CABIN1: variants seen among roughly 807,000 people sequenced by gnomAD.
CABIN1 encodes the protein calcineurin-binding protein cabin-1.
Under a neutral mutation model 227.7 loss-of-function variants are expected in CABIN1, and 133 were observed. That is an observed-to-expected ratio of 0.58 (90% confidence interval 0.51 to 0.67). The LOEUF (loss-of-function observed/expected upper bound fraction) is 0.67, where lower values mean the gene tolerates loss of function less well. CABIN1 is among the 30% of genes least tolerant of loss of function. The probability of loss-of-function intolerance (pLI) is 0.00; values close to 1 mark genes in which losing one functional copy is unlikely to be tolerated. For synonymous variants in CABIN1, 1,086 were observed against 1,155.1 expected (o/e 0.94, Z 1.21); for missense variants, 2,408 against 2,852.5 (o/e 0.84, Z 3.55).
At chr22:24,014,586 T>C (rs2035098683) in intron 1 of CABIN1, among the ~76,000 whole-genome samples, 1 of 152,240 alleles carries the variant, frequency 6.6e-6, no homozygotes, top group Non-Finnish European at 1.5e-5. Flanking sequence ...CCTTTCTTCC[T>C]CATGCCTTTC....
chr22:24,097,721 G>C (rs2041977196), intron 25 of CABIN1, among the ~76,000 whole-genome samples: 1 of 152,252 alleles, frequency 6.6e-6, no homozygotes, highest in South Asian at 2.1e-4. Flanking sequence ...ATGCAAGGGT[G>C]CTTCTGAAGA....
chr22:24,167,189 C>CA lies in CABIN1; in HGVS notation c.5559dup (p.Glu1854ArgfsTer24). On this transcript the variant is annotated frameshift_variant, in exon 32 of 37. Transcript: ENST00000263119. LOFTEE classifies it high-confidence loss of function. Reference sequence around the variant, plus strand: ...CGCAAGAGGAAGCTCCTGGAGGACACAGAGTCAGGCAAGACACTTCTGTTG... The same window carrying CA: ...CGCAAGAGGAAGCTCCTGGAGGACACAAGAGTCAGGCAAGACACTTCTGTTG... The CA allele has an allele frequency of 1.2e-6, 2 of 1,611,654 alleles. No homozygotes were observed. Among genetic ancestry groups the CA allele is most frequent in the Non-Finnish European group, 1.7e-6 (2 of 1,179,688 alleles).
chr22:24,165,594 G>T lies in CABIN1; in HGVS notation c.4975G>T (p.Val1659Leu). The T allele has an allele frequency of 6.2e-7, 1 of 1,613,196 alleles. No individual in the cohort carries two copies. The highest frequency in any genetic ancestry group is 8.5e-7 in the Non-Finnish European group (1 of 1,179,980). Residue 1659 changes from valine (V) to leucine (L), a missense_variant, in exon 31 of 37, where the codon GTG becomes TTG. By Grantham distance (32) the Val-to-Leu change is conservative. Transcript: ENST00000263119. ...AQRAFILTVKVLEDTLSELAE... is the reference protein window; with the variant it reads ...AQRAFILTVKLLEDTLSELAE... Reference sequence around the variant, plus strand: ...GCGGGCCTTCATCCTCACTGTGAAGGTGCTCGAAGACACGCTGAGCGAGCT... The same window carrying T: ...GCGGGCCTTCATCCTCACTGTGAAGTTGCTCGAAGACACGCTGAGCGAGCT...
intron 29 of CABIN1, among the ~76,000 whole-genome samples, chr22:24,151,225 G>T (rs1385896128): frequency 6.6e-6 from 1 of 152,110 alleles, no homozygotes; most frequent in Non-Finnish European, 1.5e-5. Context: ...TGCACAAAGG[G>T]GGTCTATCTG....
chr22:24,056,645 A>G (rs143677509), intron 10 of CABIN1: 155 of 410,904 alleles, frequency 3.8e-4, no homozygotes, highest in African/African-American at 1.6e-3. Context: ...CAAGACATCT[A>G]TTTGTTGCTG....
At chr22:24,140,369 A>G (rs1174888526) in intron 29 of CABIN1, among the ~76,000 whole-genome samples, 2 of 152,292 alleles carry the variant, frequency 1.3e-5, no homozygotes, top group East Asian at 1.9e-4. Flanking sequence ...ACTGTTCCAC[A>G]CACCGTCCTC....
chr22:24,071,209 G>A, intron 17 of CABIN1, 167 bp downstream of exon 17: 1 of 878,574 alleles, frequency 1.1e-6, no homozygotes, highest in Non-Finnish European at 1.8e-6. Flanking sequence ...TTGTGCGCAG[G>A]CTGCAAACCT....
intron 16 of CABIN1, among the ~76,000 whole-genome samples, chr22:24,069,253 A>G (rs895429803): frequency 4.6e-5 from 7 of 152,150 alleles, no homozygotes; most frequent in African/African-American, 1.4e-4. Context: ...GTTGTTCACT[A>G]TCTTTTCCAT....
chr22:24,178,437 A>G lies in CABIN1; in HGVS notation c.*241A>G, dbSNP rs1031450514. The G allele has an allele frequency of 5.4e-6, 3 of 557,582 alleles. No homozygotes were observed. The African/African-American group carries it at 5.7e-5, about 11-fold the overall frequency. The allele number at this position is 557,582 out of a possible 1,614,324, so 34.5% of individuals were successfully genotyped here. On this transcript the variant is annotated 3_prime_UTR_variant, in exon 37 of 37. Coordinates refer to ENST00000263119, the MANE Select transcript of CABIN1 (RefSeq NM_012295.4). The stretch of plus-strand genomic sequence containing the variant: ...GCCATGTGAAGGTGGATTGGTCGCC[A>G]TCTGCACGCCAGGCGGCATCCTTTT...
In CABIN1 at chr22:24,070,885, A is replaced by G. The variant is rs1486667759; in HGVS notation, c.2318A>G (p.Asn773Ser). Residue 773 changes from asparagine to serine, a missense_variant, in exon 17 of 37, where the codon AAC becomes AGC. Around this residue, in one of 3 missense-constraint regions of CABIN1, gnomAD observed 1,045 missense variants for 1,168.4 expected, o/e 0.89. Transcript: ENST00000263119. ...ALNEAVQQMV[N>S]SGEAAAKEEW... is the part of the protein sequence containing the mutation. ...AACGAGGCTGTCCAGCAGATGGTGA[A>G]CTCAGGTGAGGCTGCCGCCAAGGAG... 6.2e-7 allele frequency: 1 copy of G among 1,614,194 alleles called. No individual in the cohort carries two copies. The highest frequency in any genetic ancestry group is 8.5e-7 in the Non-Finnish European group (1 of 1,180,032).
At chr22:24,172,089 G>A in intron 34 of CABIN1, 94 bp downstream of exon 34, 1 of 1,434,886 alleles carries the variant, frequency 7.0e-7, no homozygotes, top group Non-Finnish European at 9.4e-7. Context: ...AGGGAGGCAA[G>A]CAGTGCCCTC....
chr22:24,072,654 C>T (rs904753721), intron 18 of CABIN1, 144 bp downstream of exon 18: 10 of 1,021,412 alleles, frequency 9.8e-6, no homozygotes, highest in Non-Finnish European at 1.5e-5. Context: ...TGCGCTTGGA[C>T]AGAGGCAGAA....
chr22:24,101,806 A>G lies in CABIN1; in HGVS notation c.4117+3614A>G, dbSNP rs1199716209. On this transcript the variant is annotated intron_variant, in intron 26 of 36. Transcript: ENST00000263119. ...ATTACTCTTTATACATATTCAAGCA[A>G]CATAAGGAGATCTTTGAACAAGACC... The G allele has an allele frequency of 2.0e-5, 3 of 152,206 alleles. No individual in the cohort carries two copies. The East Asian group carries it at 5.8e-4, about 29-fold the overall frequency. The allele number at this position is 152,206 out of a possible 1,614,324, so 9.4% of individuals were successfully genotyped here.
At chr22:24,168,610 T>C in intron 33 of CABIN1, 89 bp downstream of exon 33, 1 of 1,062,568 alleles carries the variant, frequency 9.4e-7, no homozygotes, top group Non-Finnish European at 1.4e-6. Context: ...GCAGATCCAC[T>C]CTTGGGACTG....
chr22:24,070,719 C>T (rs1601906515), intron 16 of CABIN1, 81 bp from the exon 17 acceptor site: 1 of 1,601,872 alleles, frequency 6.2e-7, no homozygotes, highest in East Asian at 2.2e-5. Flanking sequence ...CATCTGTTTT[C>T]CTTCAGTTGT....
intron 26 of CABIN1, among the ~76,000 whole-genome samples, chr22:24,104,637 T>TGGTACCACTTTTCTTTGGCATCC (rs1460995125): frequency 6.6e-6 from 1 of 152,208 alleles, no homozygotes; most frequent in Non-Finnish European, 1.5e-5. Flanking sequence ...CCCAGGTTTC[T>TGGTACCACTTTTCTTTGGCATCC]GGTACCACTT....
rs770602294 is a variant in CABIN1 at position 24,171,921 on chromosome 22, A to G, written c.5966A>G (p.Asp1989Gly). The G allele has an allele frequency of 4.3e-6, 7 of 1,613,790 alleles. No homozygotes were observed. Among genetic ancestry groups the G allele is most frequent in the African/African-American group, 1.3e-5 (1 of 74,932 alleles). ...CPPSASASTL[D>G]QSKDPGPPRP... The stretch of plus-strand genomic sequence containing the variant: ...CCGTCAGCATCAGCTTCCACCCTGG[A>G]CCAGTCCAAGGACCCTGGGCCTCCC... Residue 1989 changes from aspartate to glycine, a missense_variant, in exon 34 of 37, where the codon GAC (aspartate) becomes GGC (glycine). By Grantham distance (94) the Asp-to-Gly change is moderately conservative (BLOSUM62 -1). Transcript: ENST00000263119.
At chr22:24,167,678 T>A (rs973125772) in intron 32 of CABIN1, among the ~76,000 whole-genome samples, 7 of 152,246 alleles carry the variant, frequency 4.6e-5, no homozygotes, top group African/African-American at 1.7e-4. Flanking sequence ...CTTCTTTTTT[T>A]AAACATTTTA....
At chr22:24,082,600 C>T (rs1342501145) in intron 19 of CABIN1, among the ~76,000 whole-genome samples, 1 of 152,166 alleles carries the variant, frequency 6.6e-6, no homozygotes, top group Non-Finnish European at 1.5e-5. Context: ...TGGCAAAAAT[C>T]TCATGAATGC....
Sources: gnomAD v4.1 joint callset for allele counts (sites outside exome capture counted in the v4.1 genomes callset) on GRCh38, gnomAD v4.1.1 for gene constraint, gnomAD v4.1.1 regional missense constraint, MANE v1.5 for transcripts, NCBI Gene and HGNC (gene_info 2026-07-23, HGNC 2026-07-21) for gene names.